The following PRKN variants were observed in gnomAD, a reference collection of about 807,000 sequenced individuals.
The protein encoded by PRKN is parkin RBR E3 ubiquitin protein ligase.
PRKN carries 56 observed loss-of-function variants against 59.5 expected under a neutral mutation model. The observed-to-expected ratio is 0.94, with a 90% confidence interval of 0.76 to 1.18. The LOEUF (loss-of-function observed/expected upper bound fraction) is 1.18, where lower values mean the gene tolerates loss of function less well. Ranked by LOEUF, PRKN falls within the 50% of genes most tolerant of loss-of-function variation. PRKN has a pLI of 0.00. For missense variants in PRKN, 657 were observed against 596.4 expected (o/e 1.10, Z -1.06); for synonymous variants, 250 against 222.1 (o/e 1.13, Z -1.12).
At chr6:161,517,220 G>C (rs776921192) in intron 9 of PRKN, among the ~76,000 whole-genome samples, 1 of 152,098 alleles carries the variant, frequency 6.6e-6, no homozygotes, top group Non-Finnish European at 1.5e-5. Context: ...AGTTTGTTTG[G>C]CTGGGGCAGG....
intron 2 of PRKN, chr6:162,275,340 A>C (rs1368809789): frequency 6.6e-6 from 1 of 152,126 alleles, no homozygotes; most frequent in East Asian, 1.9e-4. Context: ...TATCAAGATA[A>C]ATTTTCCCTC....
chr6:162,514,349 A>T (rs138635988), intron 1 of PRKN, among the ~76,000 whole-genome samples: 54 of 152,094 alleles, frequency 3.6e-4, no homozygotes, highest in African/African-American at 1.3e-3. Context: ...TCAAAGACAG[A>T]TAATAAGGTC....
At chr6:161,687,890 GAATGTTAAAGGTAA>G (rs1167942462) in intron 7 of PRKN, among the ~76,000 whole-genome samples, 1 of 152,156 alleles carries the variant, frequency 6.6e-6, no homozygotes, top group Non-Finnish European at 1.5e-5. Flanking sequence ...TTAATTTGAA[GAATGTTAAAGGTAA>G]AATTGTAATA....
intron 2 of PRKN, among the ~76,000 whole-genome samples, chr6:162,334,326 T>C (rs1362225014): frequency 6.6e-6 from 1 of 152,198 alleles, no homozygotes; most frequent in Non-Finnish European, 1.5e-5. Flanking sequence ...AATGCATGGC[T>C]TCAAAACTTC....
Position 161,830,401 on chromosome 6 carries a change from G to A in PRKN, c.735-44493C>T, listed in dbSNP as rs578256035. On this transcript the variant is annotated intron_variant, in intron 6 of 11. Coordinates refer to ENST00000366898, the MANE Select transcript of PRKN (RefSeq NM_004562.3). ...CGAGGAGCTGGGACTACAGGTGCCCGCCACCATGCCGAGCTAATTTTTTTC... is the reference window on the plus strand; with the variant it reads ...CGAGGAGCTGGGACTACAGGTGCCCACCACCATGCCGAGCTAATTTTTTTC... Among the ~76,000 whole-genome samples the A allele has an allele frequency of 5.9e-4, 90 of 152,120 alleles. 1 individual carries two copies. The highest frequency in any genetic ancestry group is 2.5e-3 in the East Asian group (13 of 5,140).
intron 9 of PRKN, among the ~76,000 whole-genome samples, chr6:161,443,896 C>CGGAG (rs1282765181): frequency 6.6e-6 from 1 of 152,164 alleles, no homozygotes; most frequent in Non-Finnish European, 1.5e-5. Context: ...CAAGTAATAA[C>CGGAG]GGAGCTGCCT....
chr6:161,922,794 G>C (rs996338346), intron 6 of PRKN, among the ~76,000 whole-genome samples: 1 of 152,176 alleles, frequency 6.6e-6, no homozygotes, highest in Non-Finnish European at 1.5e-5. Flanking sequence ...AAAAAATAAA[G>C]AGAAGGTTTT....
chr6:162,669,676 GA>G (rs1779248204), intron 1 of PRKN, among the ~76,000 whole-genome samples: 1 of 152,050 alleles, frequency 6.6e-6, no homozygotes, highest in Non-Finnish European at 1.5e-5. Context: ...ATTAAATTAG[GA>G]GTGCACTATC....
At chr6:161,850,433 C>G (rs1376144007) in intron 6 of PRKN, among the ~76,000 whole-genome samples, 1 of 151,952 alleles carries the variant, frequency 6.6e-6, no homozygotes. Flanking sequence ...CAAAAATTAG[C>G]TGGGTGTGGT....
intron 7 of PRKN, among the ~76,000 whole-genome samples, chr6:161,673,047 C>A (rs1784964997): frequency 6.6e-6 from 1 of 152,150 alleles, no homozygotes; most frequent in Non-Finnish European, 1.5e-5. Flanking sequence ...ATGAACCACA[C>A]AGTGAATCCA....
chr6:162,672,885 A>G (rs1779387513), intron 1 of PRKN, among the ~76,000 whole-genome samples: 1 of 152,210 alleles, frequency 6.6e-6, no homozygotes, highest in Non-Finnish European at 1.5e-5. Flanking sequence ...AAATGTCTTG[A>G]AATGACTATG....
chr6:162,410,171 TGCTCCTGCTGAGA>T (rs1353973628), intron 2 of PRKN, among the ~76,000 whole-genome samples: 1 of 151,942 alleles, frequency 6.6e-6, no homozygotes, highest in African/African-American at 2.4e-5. Context: ...CTGTTTTTTC[TGCTCCTGCTGAGA>T]GACTTGCAAA....
intron 6 of PRKN, among the ~76,000 whole-genome samples, chr6:161,935,200 A>T (rs1203860389): frequency 6.6e-6 from 1 of 152,162 alleles, no homozygotes; most frequent in Non-Finnish European, 1.5e-5. Context: ...GTGCCAAAAT[A>T]AACTCATACT....
intron 2 of PRKN, among the ~76,000 whole-genome samples, chr6:162,326,795 T>A (rs901978964): frequency 6.6e-6 from 1 of 152,226 alleles, no homozygotes; most frequent in Non-Finnish European, 1.5e-5. Context: ...TAGTTTTCTA[T>A]GCAATATGCA....
intron 6 of PRKN, among the ~76,000 whole-genome samples, chr6:161,905,918 C>A (rs575501163): frequency 1.3e-3 from 191 of 145,422 alleles, no homozygotes; most frequent in Non-Finnish European, 2.4e-3. Context: ...CAAGATCACA[C>A]CACTGCATCT....
intron 1 of PRKN, among the ~76,000 whole-genome samples, chr6:162,610,567 C>T (rs542261488): frequency 1.3e-5 from 2 of 152,154 alleles, no homozygotes; most frequent in East Asian, 3.9e-4. Context: ...ATAATAGTAA[C>T]CATAGCAACA....
chr6:161,742,270 C>T (rs1583086756), intron 7 of PRKN, among the ~76,000 whole-genome samples: 1 of 152,200 alleles, frequency 6.6e-6, no homozygotes, highest in East Asian at 1.9e-4. Flanking sequence ...GCGCCCAGCC[C>T]TGATGGTTTT....
intron 2 of PRKN, among the ~76,000 whole-genome samples, chr6:162,390,635 GT>G (rs935664460): frequency 3.3e-5 from 5 of 151,804 alleles, no homozygotes; most frequent in Admixed American, 3.3e-4. Context: ...TACAGTCGGG[GT>G]TTTGCCATGT....
At chr6:162,540,303 C>A (rs1050451496) in intron 1 of PRKN, among the ~76,000 whole-genome samples, 11 of 152,114 alleles carry the variant, frequency 7.2e-5, no homozygotes, top group African/African-American at 2.6e-4. Context: ...GATCTCAGCT[C>A]GCTGCAATCT....
Sources: allele counts gnomAD v4.1 joint callset (sites outside exome capture counted in the v4.1 genomes callset), GRCh38; gene constraint gnomAD v4.1.1; transcripts MANE v1.5; gene names NCBI Gene and HGNC (gene_info 2026-07-23, HGNC 2026-07-21).